Variants in SGMS1 observed in about 807,000 individuals in gnomAD.
SGMS1 encodes phosphatidylcholine:ceramide cholinephosphotransferase 1.
A neutral mutation model predicts 46.2 loss-of-function variants in SGMS1; 13 were observed. The observed-to-expected ratio is 0.28, with a 90% CI of 0.18 to 0.45. The LOEUF is 0.45. Ranked by LOEUF, SGMS1 falls within the 20% of genes least tolerant of loss-of-function variation. The probability of loss-of-function intolerance (pLI) is 1.00; values close to 1 mark genes in which losing one functional copy is unlikely to be tolerated. For missense variants in SGMS1, 324 were observed against 519.9 expected, an observed-to-expected ratio of 0.62 and a Z score of 3.66; for synonymous variants, 203 against 187.8, an observed-to-expected ratio of 1.08 and a Z score of -0.66.
chr10:50,528,402 C>G (rs573183792), intron 2 of SGMS1, among the ~76,000 whole-genome samples: 6 of 152,288 alleles, frequency 3.9e-5, no homozygotes, highest in African/African-American at 1.4e-4. Context: ...TATGAGGATT[C>G]TGAGCCTCTC....
intron 5 of SGMS1, among the ~76,000 whole-genome samples, chr10:50,438,975 G>C (rs1849508432): frequency 6.6e-6 from 1 of 152,202 alleles, no homozygotes; most frequent in Admixed American, 6.5e-5. Context: ...AGAACAGTAA[G>C]AGAACTGTGA....
chr10:50,425,126 G>T (rs1160968149), intron 6 of SGMS1, among the ~76,000 whole-genome samples: 1 of 152,190 alleles, frequency 6.6e-6, no homozygotes, highest in East Asian at 1.9e-4. Context: ...AGAGAAAAGA[G>T]TATGCTTATC....
At chr10:50,433,027 T>C (rs1564912173) in intron 6 of SGMS1, among the ~76,000 whole-genome samples, 1 of 152,204 alleles carries the variant, frequency 6.6e-6, no homozygotes, top group Non-Finnish European at 1.5e-5. Flanking sequence ...GGAGAAGATG[T>C]AGACAAAGAA....
At chr10:50,456,249 G>A (rs1000704938) in intron 5 of SGMS1, among the ~76,000 whole-genome samples, 5 of 151,986 alleles carry the variant, frequency 3.3e-5, no homozygotes, top group Admixed American at 2.6e-4. Flanking sequence ...TAAAGGCAGA[G>A]CTGCTGGTTG....
chr10:50,524,332 C>T (rs924813121), intron 2 of SGMS1, among the ~76,000 whole-genome samples: 2 of 152,176 alleles, frequency 1.3e-5, no homozygotes, highest in African/African-American at 4.8e-5. Flanking sequence ...AGCCTCTGGG[C>T]TTGATAAAAC....
chr10:50,464,971 C>T (rs1837312493), intron 4 of SGMS1, among the ~76,000 whole-genome samples: 1 of 152,162 alleles, frequency 6.6e-6, no homozygotes, highest in Admixed American at 6.5e-5. Context: ...AACCTAGACT[C>T]CAGATAAGGC....
chr10:50,522,579 G>A (rs980792177), intron 2 of SGMS1, among the ~76,000 whole-genome samples: 2 of 152,110 alleles, frequency 1.3e-5, no homozygotes, highest in Admixed American at 6.6e-5. Context: ...GTTTGGCTCT[G>A]GTGGCAGCTA....
chr10:50,341,572 T>C (rs893205609), intron 7 of SGMS1: 21 of 381,404 alleles, frequency 5.5e-5, no homozygotes, highest in Non-Finnish European at 8.4e-5. Context: ...TGTATATATA[T>C]ATGACAACAG....
chr10:50,481,287 G>GCAT (rs1837474589), intron 3 of SGMS1, among the ~76,000 whole-genome samples: 1 of 152,190 alleles, frequency 6.6e-6, no homozygotes, highest in Non-Finnish European at 1.5e-5. Flanking sequence ...GTTCCAGCTG[G>GCAT]CATCAGGTCA....
intron 1 of SGMS1, among the ~76,000 whole-genome samples, chr10:50,598,383 GC>G (rs1314935637): frequency 6.6e-6 from 1 of 152,178 alleles, no homozygotes; most frequent in Non-Finnish European, 1.5e-5. Flanking sequence ...AGCTACCCAA[GC>G]TATGGTATTC....
Position 50,512,133 on chromosome 10 carries a change from G to C in SGMS1, c.-498+7698C>G, listed in dbSNP as rs369211961. ...GATACCAATCAAAGGCATGGGGAAG[G>C]CTATCCGGTTCAAGAAGCATACCAC... On this transcript the variant is annotated intron_variant, in intron 3 of 10. Coordinates refer to ENST00000361781, the MANE Select transcript of SGMS1 (RefSeq NM_147156.4). Among the ~76,000 whole-genome samples, 14 of 152,270 alleles carry C rather than the reference G, an allele frequency of 9.2e-5. No individual in the cohort carries two copies. The East Asian group carries it at 2.5e-3, about 27-fold the overall frequency.
At chr10:50,489,647 G>C (rs1837551453) in intron 3 of SGMS1, among the ~76,000 whole-genome samples, 1 of 152,090 alleles carries the variant, frequency 6.6e-6, no homozygotes. Context: ...CCCTCCAAAC[G>C]TTTCCCTTTG....
At chr10:50,476,027 G>A (rs923380413) in intron 3 of SGMS1, among the ~76,000 whole-genome samples, 5 of 138,500 alleles carry the variant, frequency 3.6e-5, no homozygotes, top group East Asian at 2.2e-4. Flanking sequence ...CGAGGCAGTC[G>A]GATCACCTGA....
At chr10:50,355,978 T>C (rs1284179426) in intron 6 of SGMS1, among the ~76,000 whole-genome samples, 2 of 150,772 alleles carry the variant, frequency 1.3e-5, no homozygotes, top group South Asian at 2.1e-4. Context: ...GTCTGAGAAG[T>C]GAGGAGCCCC....
At chr10:50,545,853 A>G (rs1838096613) in intron 2 of SGMS1, among the ~76,000 whole-genome samples, 1 of 152,204 alleles carries the variant, frequency 6.6e-6, no homozygotes. Flanking sequence ...CTTAAAGCAG[A>G]GCTTAAGGGT....
At chr10:50,340,258 GTA>G (rs966200078) in intron 7 of SGMS1, 2 of 152,204 alleles carry the variant, frequency 1.3e-5, no homozygotes, top group Non-Finnish European at 2.9e-5. Context: ...TGAGCCACAC[GTA>G]TCACACATAG....
At chr10:50,373,823 A>G (rs1052345894) in intron 6 of SGMS1, among the ~76,000 whole-genome samples, 1 of 152,232 alleles carries the variant, frequency 6.6e-6, no homozygotes, top group African/African-American at 2.4e-5. Flanking sequence ...CTTTCTTACC[A>G]TAAAATAACC....
At chr10:50,455,250 G>A (rs1837177055) in intron 5 of SGMS1, among the ~76,000 whole-genome samples, 1 of 152,160 alleles carries the variant, frequency 6.6e-6, no homozygotes, top group South Asian at 2.1e-4. Context: ...CATATACACA[G>A]TTCATATACA....
intron 2 of SGMS1, among the ~76,000 whole-genome samples, chr10:50,535,660 G>T (rs930646190): frequency 3.3e-5 from 5 of 151,928 alleles, no homozygotes; most frequent in Non-Finnish European, 5.9e-5. Context: ...GAGCCACCAC[G>T]CCAGGCCAAG....
Sources: allele counts gnomAD v4.1 joint callset (sites outside exome capture counted in the v4.1 genomes callset), GRCh38; gene constraint gnomAD v4.1.1; transcripts MANE v1.5; gene names NCBI Gene and HGNC (gene_info 2026-07-23, HGNC 2026-07-21).